MAPRE2: variants seen among roughly 807,000 people sequenced by gnomAD.
MAPRE2 encodes the protein microtubule-associated protein RP/EB family member 2.
A neutral mutation model predicts 43.2 loss-of-function variants in MAPRE2; 13 were observed. That is an observed-to-expected ratio of 0.30 (90% CI 0.20 to 0.48). The LOEUF (loss-of-function observed/expected upper bound fraction) is 0.48. Ranked by LOEUF, MAPRE2 falls within the 20% of genes least tolerant of loss-of-function variation. The pLI, the probability that MAPRE2 is intolerant of heterozygous loss-of-function variation, is 0.99. For missense variants in MAPRE2, 161 were observed against 400.2 expected (o/e 0.40, Z 5.10); for synonymous variants, 135 against 148.8 (o/e 0.91, Z 0.68).
chr18:35,132,801 C>G (rs1384131255), intron 6 of MAPRE2, among the ~76,000 whole-genome samples: 1 of 152,126 alleles, frequency 6.6e-6, no homozygotes, highest in Non-Finnish European at 1.5e-5. Flanking sequence ...TGATGAAAAG[C>G]AGATGTGAGA....
chr18:35,070,100 C>A, intron 1 of MAPRE2, 95 bp from the exon 2 acceptor site: 1 of 1,035,150 alleles, frequency 9.7e-7, no homozygotes, highest in Non-Finnish European at 1.4e-6. Context: ...TTTTACATGC[C>A]CTGGAGTCCT....
upstream of MAPRE2, among the ~76,000 whole-genome samples, chr18:35,040,516 A>C (rs940401437): frequency 3.9e-5 from 6 of 152,254 alleles, no homozygotes; most frequent in Admixed American, 1.3e-4. Context: ...ACTCATCTTT[A>C]AAATGGGAAT....
At chr18:35,063,981 G>A (rs1340388584) in intron 1 of MAPRE2, among the ~76,000 whole-genome samples, 5 of 119,464 alleles carry the variant, frequency 4.2e-5, no homozygotes, top group African/African-American at 6.3e-5. Flanking sequence ...CTGGACTGCC[G>A]AGTGAGACCC....
intron 1 of MAPRE2, among the ~76,000 whole-genome samples, chr18:34,985,255 A>AATATAATATATT (rs1555909488): frequency 0.018 from 899 of 48,858 alleles, 92 homozygotes; most frequent in African/African-American, 0.083. Flanking sequence ...TAAAATATAT[A>AATATAATATATT]ATATAATATA....
intron 6 of MAPRE2, among the ~76,000 whole-genome samples, chr18:35,138,835 C>T (rs1022323435): frequency 6.6e-6 from 1 of 152,088 alleles, no homozygotes; most frequent in African/African-American, 2.4e-5. Context: ...AACTCGAGTC[C>T]ATGTTGTAAC....
intron 6 of MAPRE2, among the ~76,000 whole-genome samples, chr18:35,134,877 C>T (rs773939525): frequency 7.2e-5 from 11 of 152,150 alleles, no homozygotes; most frequent in Non-Finnish European, 1.3e-4. Context: ...GTTGTTGTAT[C>T]TCTGGCACTG....
rs181550577 is a variant in MAPRE2 at position 35,034,793 on chromosome 18, A to G, written c.-8+29240A>G. Reference sequence around the variant, plus strand: ...CCATCACTGGCCATCACAGAAATGCAAATCAAAACCACAATGAGATACCAT... The same window carrying G: ...CCATCACTGGCCATCACAGAAATGCGAATCAAAACCACAATGAGATACCAT... On this transcript the variant is annotated intron_variant, in intron 2 of 7. Coordinates refer to the MAPRE2 transcript ENST00000413393. Among the ~76,000 whole-genome samples the G allele has an allele frequency of 7.3e-3, 1,108 of 152,374 alleles. 4 individuals are homozygous for G. Among genetic ancestry groups the G allele is most frequent in the Non-Finnish European group, 0.013 (878 of 68,046 alleles).
chr18:35,102,038 T>C lies in MAPRE2; in HGVS notation c.489T>C (p.Asp163=), dbSNP rs199927049. The change falls in exon 4 of 7, where the codon GAT becomes GAC. Residue 163 remains aspartate (D), a synonymous_variant. Transcript: ENST00000300249. The stretch of plus-strand genomic sequence containing the variant: ...AGAAATTCTATGATGCTAACTACGA[T>C]GGGAAGGAGTATGATCCTGTAGAGG... ...WFKKFYDANY[D]GKEYDPVEAR... 1 of 1,613,590 alleles carries C rather than the reference T, an allele frequency of 6.2e-7. No individual in the cohort carries two copies. The highest frequency in any genetic ancestry group is 2.2e-5 in the East Asian group (1 of 44,794).
intron 2 of MAPRE2, among the ~76,000 whole-genome samples, chr18:35,095,411 C>T (rs1357869627): frequency 6.6e-6 from 1 of 151,408 alleles, no homozygotes; most frequent in Non-Finnish European, 1.5e-5. Context: ...CGCACACACA[C>T]ACTCCTTTCC....
intron 1 of MAPRE2, among the ~76,000 whole-genome samples, chr18:35,062,604 C>T (rs559040635): frequency 4.6e-5 from 7 of 152,276 alleles, no homozygotes; most frequent in Non-Finnish European, 7.3e-5. Context: ...CTGGACCGAG[C>T]GAAAGTCCAG....
chr18:35,068,876 A>G (rs1299701011), intron 1 of MAPRE2, among the ~76,000 whole-genome samples: 2 of 152,208 alleles, frequency 1.3e-5, no homozygotes, highest in Non-Finnish European at 2.9e-5. Context: ...ATTGTCATAT[A>G]CTGGCATAAC....
At chr18:34,997,253 C>T (rs2097026952) in intron 1 of MAPRE2, among the ~76,000 whole-genome samples, 1 of 152,066 alleles carries the variant, frequency 6.6e-6, no homozygotes, top group African/African-American at 2.4e-5. Flanking sequence ...CTTGTGGCCT[C>T]CAAAGGTTAA....
intron 1 of MAPRE2, among the ~76,000 whole-genome samples, chr18:34,982,415 C>T (rs962615668): frequency 6.6e-6 from 1 of 152,162 alleles, no homozygotes; most frequent in African/African-American, 2.4e-5. Context: ...TGACTGTCTC[C>T]CTCAAAGCAC....
rs1488641772 is a variant in MAPRE2 at position 35,017,244 on chromosome 18, G to T, written c.-8+11691G>T. On this transcript the variant is annotated intron_variant, in intron 2 of 7. Transcript: ENST00000413393. ...GTAATGTGATGCCTCCGGTTTTGTT[G>T]TTTTTTTTTTTTTTTTTTGCATAGG... Among the ~76,000 whole-genome samples, 175 of 126,244 alleles carry T rather than the reference G, an allele frequency of 1.4e-3. 1 individual carries two copies. Among genetic ancestry groups the T allele is most frequent in the African/African-American group, 3.9e-3 (124 of 31,982 alleles). The allele number at this position is 126,244 out of a possible 152,430, so 82.8% of individuals were successfully genotyped here.
intron 1 of MAPRE2, among the ~76,000 whole-genome samples, chr18:34,979,966 T>C (rs1001506633): frequency 6.6e-6 from 1 of 151,990 alleles, no homozygotes; most frequent in Non-Finnish European, 1.5e-5. Flanking sequence ...CTCTCTGCAC[T>C]GTTGTCTAAA....
chr18:35,063,601 A>G (rs1906669727), intron 1 of MAPRE2, among the ~76,000 whole-genome samples: 1 of 152,136 alleles, frequency 6.6e-6, no homozygotes, highest in Non-Finnish European at 1.5e-5. Flanking sequence ...CTTGCAGCGC[A>G]GCAGATAGCA....
At position 35,133,358 on chromosome 18, in the gene MAPRE2, G is replaced by A. The variant is rs117102580; in HGVS notation, c.909+1168G>A. ...GATAATCCACCTGGTTTCCATGATG[G>A]CTTCATAAAATACGGTTCTCAGTAT... On this transcript the variant is annotated intron_variant, in intron 6 of 6. Coordinates refer to ENST00000300249, the MANE Select transcript of MAPRE2 (RefSeq NM_014268.4). Among the ~76,000 whole-genome samples the A allele has an allele frequency of 3.4e-4, 52 of 151,998 alleles. No individual in the cohort carries two copies. The East Asian group carries it at 9.5e-3, about 28-fold the overall frequency.
intron 1 of MAPRE2, among the ~76,000 whole-genome samples, chr18:34,983,184 G>GA (rs575243267): frequency 1.2e-3 from 181 of 152,160 alleles, no homozygotes; most frequent in African/African-American, 4.3e-3. Context: ...AAAAGGTTAA[G>GA]AAAAAATGTA....
intron 4 of MAPRE2, among the ~76,000 whole-genome samples, chr18:35,108,013 A>G (rs573483878): frequency 1.4e-5 from 2 of 143,254 alleles, no homozygotes; most frequent in East Asian, 4.0e-4. Context: ...GTCTTCTTCT[A>G]AAAAAAAAAA....
Sources: allele counts gnomAD v4.1 joint callset (sites outside exome capture counted in the v4.1 genomes callset), GRCh38; gene constraint gnomAD v4.1.1; transcripts MANE v1.5; gene names NCBI Gene and HGNC (gene_info 2026-07-23, HGNC 2026-07-21).